SOX5: variants seen among roughly 807,000 people sequenced by gnomAD.
SOX5 encodes transcription factor SOX-5.
Under a neutral mutation model 92.0 loss-of-function variants are expected in SOX5, and 9 were observed. The observed-to-expected ratio is 0.10, with a 90% CI of 0.06 to 0.17. The LOEUF is 0.17. Among genes scored for constraint, SOX5 ranks in the 10% least tolerant of loss-of-function variants. The pLI is 1.00. For missense variants in SOX5, 642 were observed against 944.5 expected (o/e 0.68, Z 4.20); for synonymous variants, 344 against 336.3 (o/e 1.02, Z -0.25).
chr12:23,893,319 G>T (rs2097147114), intron 2 of SOX5, among the ~76,000 whole-genome samples: 2 of 152,154 alleles, frequency 1.3e-5, no homozygotes, highest in South Asian at 2.1e-4. Flanking sequence ...GGTGGCGGGG[G>T]CCTGTAATCC....
intron 3 of SOX5, among the ~76,000 whole-genome samples, chr12:24,226,506 T>C (rs899883837): frequency 1.3e-5 from 2 of 152,196 alleles, no homozygotes; most frequent in Non-Finnish European, 2.9e-5. Flanking sequence ...AATCTCACTC[T>C]ATCCCCCAGG....
At chr12:23,587,874 G>T (rs921911108) in intron 9 of SOX5, among the ~76,000 whole-genome samples, 2 of 151,966 alleles carry the variant, frequency 1.3e-5, no homozygotes, top group African/African-American at 4.8e-5. Context: ...CCACTTACTG[G>T]CTCGGCCAAA....
At position 24,551,519 on chromosome 12, in the gene SOX5, A is replaced by G. The variant is rs567407532; in HGVS notation, c.-251+10810T>C. On this transcript the variant is annotated intron_variant, in intron 1 of 4. Transcript: ENST00000446891. ...ACGTAAATGCTTTTTTCCCCTGTCC[A>G]TGTGGAAGCGCTGTCGTTTGTTCAA... is the stretch of plus-strand genomic sequence containing the variant. Among the ~76,000 whole-genome samples, 7 of 152,318 alleles carry G rather than the reference A, an allele frequency of 4.6e-5. No homozygotes were observed. The East Asian group carries it at 1.2e-3, about 25-fold the overall frequency.
chr12:24,500,047 G>A (rs1948044948), intron 1 of SOX5, among the ~76,000 whole-genome samples: 1 of 152,100 alleles, frequency 6.6e-6, no homozygotes, highest in Non-Finnish European at 1.5e-5. Flanking sequence ...TTAGTGGCCT[G>A]ATGACAGGAC....
chr12:24,077,772 C>CATATATATATATATAT (rs35914700), intron 4 of SOX5, among the ~76,000 whole-genome samples: 2 of 116,930 alleles, frequency 1.7e-5, no homozygotes, highest in African/African-American at 3.1e-5. Flanking sequence ...AAGGTATTTT[C>CATATATATATATATAT]ATATATATAT....
At chr12:24,244,323 T>C (rs139892735) in intron 3 of SOX5, among the ~76,000 whole-genome samples, 15 of 152,318 alleles carry the variant, frequency 9.8e-5, no homozygotes, top group Non-Finnish European at 1.6e-4. Context: ...TGGAGATGCA[T>C]GTAATGCAAA....
intron 8 of SOX5, among the ~76,000 whole-genome samples, chr12:23,628,008 A>G (rs2078057434): frequency 6.6e-6 from 1 of 152,066 alleles, no homozygotes. Flanking sequence ...ACACAAAAAC[A>G]TCAAAATTCA....
At chr12:23,857,044 G>A (rs2136296408) in intron 2 of SOX5, among the ~76,000 whole-genome samples, 1 of 152,164 alleles carries the variant, frequency 6.6e-6, no homozygotes, top group African/African-American at 2.4e-5. Flanking sequence ...AAGCCTAGAA[G>A]AAATAAGTGA....
At chr12:24,058,314 A>T (rs944504712) in intron 4 of SOX5, among the ~76,000 whole-genome samples, 2 of 150,118 alleles carry the variant, frequency 1.3e-5, no homozygotes, top group African/African-American at 2.5e-5. Flanking sequence ...GTTGTAGTTT[A>T]AAAAAAAAAT....
At chr12:23,538,422 C>A (rs375205990) in intron 13 of SOX5, among the ~76,000 whole-genome samples, 1 of 152,126 alleles carries the variant, frequency 6.6e-6, no homozygotes, top group Non-Finnish European at 1.5e-5. Flanking sequence ...CTATTCCTTT[C>A]GTAAACTTCT....
At chr12:24,276,720 G>C (rs1944470530) in intron 3 of SOX5, among the ~76,000 whole-genome samples, 1 of 152,084 alleles carries the variant, frequency 6.6e-6, no homozygotes, top group African/African-American at 2.4e-5. Context: ...GTTTCTGTCA[G>C]TAAATTAGAA....
intron 6 of SOX5, among the ~76,000 whole-genome samples, chr12:23,713,861 G>A (rs1159664072): frequency 6.6e-6 from 1 of 151,296 alleles, no homozygotes. Context: ...AGAGGCCAAA[G>A]CGGGTGGATC....
intron 1 of SOX5, among the ~76,000 whole-genome samples, chr12:24,472,940 G>A (rs997013946): frequency 4.6e-5 from 7 of 151,820 alleles, no homozygotes; most frequent in Admixed American, 1.3e-4. Flanking sequence ...CACTCATTCT[G>A]CAGTACAAAA....
chr12:23,802,098 G>A (rs2142175475), intron 3 of SOX5, among the ~76,000 whole-genome samples: 1 of 151,878 alleles, frequency 6.6e-6, no homozygotes, highest in East Asian at 1.9e-4. Flanking sequence ...TTTTGAGACG[G>A]AGTCCCACTC....
intron 8 of SOX5, among the ~76,000 whole-genome samples, chr12:23,631,464 T>C (rs2078526290): frequency 1.3e-5 from 2 of 152,098 alleles, no homozygotes; most frequent in Admixed American, 6.6e-5. Context: ...TTTAAAAAAG[T>C]ATACTTTAAA....
intron 4 of SOX5, among the ~76,000 whole-genome samples, chr12:24,206,270 T>C (rs1224802422): frequency 6.6e-6 from 1 of 152,236 alleles, no homozygotes; most frequent in African/African-American, 2.4e-5. Context: ...GCTTCTTTTC[T>C]GCATTGCGTA....
intron 6 of SOX5, among the ~76,000 whole-genome samples, chr12:23,683,995 A>C (rs1246819834): frequency 6.6e-6 from 1 of 152,032 alleles, no homozygotes; most frequent in African/African-American, 2.4e-5. Context: ...AGAGACACAT[A>C]CATGATTGAG....
At chr12:23,747,613 C>A (rs2094032200) in intron 4 of SOX5, among the ~76,000 whole-genome samples, 1 of 152,030 alleles carries the variant, frequency 6.6e-6, no homozygotes, top group Non-Finnish European at 1.5e-5. Context: ...TTAACTTTTA[C>A]CCTCAGAAGA....
At chr12:23,569,743 AT>A (rs1947815627) in intron 10 of SOX5, among the ~76,000 whole-genome samples, 1 of 152,166 alleles carries the variant, frequency 6.6e-6, no homozygotes, top group Non-Finnish European at 1.5e-5. Context: ...GTGTTGGTGA[AT>A]TTATTCAAAC....
Sources: gnomAD v4.1 joint callset for allele counts (sites outside exome capture counted in the v4.1 genomes callset) on GRCh38, gnomAD v4.1.1 for gene constraint, MANE v1.5 for transcripts, NCBI Gene and HGNC (gene_info 2026-07-23, HGNC 2026-07-21) for gene names.